The following EFCAB6 variants were observed in gnomAD, a reference collection of about 807,000 sequenced individuals.
The protein encoded by EFCAB6 is EF-hand calcium-binding domain-containing protein 6.
A neutral mutation model predicts 169.8 loss-of-function variants in EFCAB6; 156 were observed. That is an observed-to-expected ratio of 0.92 (90% confidence interval 0.81 to 1.05). The LOEUF (loss-of-function observed/expected upper bound fraction) is 1.05. Ranked by LOEUF, EFCAB6 falls within the 50% of genes least tolerant of loss-of-function variation. EFCAB6 has a pLI of 0.00. For synonymous variants in EFCAB6, 698 were observed against 676.4 expected (o/e 1.03, Z -0.50); for missense variants, 1,800 against 1,829.1 (o/e 0.98, Z 0.29).
At chr22:43,756,896 T>A (rs992097043) in intron 5 of EFCAB6, among the ~76,000 whole-genome samples, 3 of 152,268 alleles carry the variant, frequency 2.0e-5, no homozygotes, top group South Asian at 2.1e-4. Flanking sequence ...AGCCCTTGGC[T>A]GGCAGGAGCT....
At chr22:43,654,536 C>A (rs2056640417) in intron 17 of EFCAB6, among the ~76,000 whole-genome samples, 1 of 152,240 alleles carries the variant, frequency 6.6e-6, no homozygotes, top group African/African-American at 2.4e-5. Flanking sequence ...AAACACATTA[C>A]CCAGTCTAAT....
rs144055049 is a variant in EFCAB6 at position 43,791,672 on chromosome 22, G to A, written c.-7-9347C>T. Among the ~76,000 whole-genome samples, 491 of 152,270 alleles carry A rather than the reference G, an allele frequency of 3.2e-3. 2 individuals are homozygous for A. The highest frequency in any genetic ancestry group is 0.011 in the African/African-American group (476 of 41,554). On this transcript the variant is annotated intron_variant, in intron 2 of 31. Transcript: ENST00000262726. ...TTTGAGTGAGCCCTAAGGCACCACC[G>A]AGGACCCTGATAGTAACAATGTTGG...
intron 9 of EFCAB6, among the ~76,000 whole-genome samples, chr22:43,714,531 A>C (rs1396833511): frequency 1.5e-5 from 1 of 66,574 alleles, no homozygotes; most frequent in African/African-American, 5.3e-5. Flanking sequence ...TCAAGGATCA[A>C]GAAAAAAAAA....
chr22:43,561,043 T>C (rs924571894), intron 26 of EFCAB6, among the ~76,000 whole-genome samples: 1 of 151,998 alleles, frequency 6.6e-6, no homozygotes, highest in African/African-American at 2.4e-5. Context: ...AAAGGAAGTA[T>C]TGCGTGTTCA....
intron 17 of EFCAB6, among the ~76,000 whole-genome samples, chr22:43,635,436 A>G (rs1402409890): frequency 6.6e-6 from 1 of 152,146 alleles, no homozygotes; most frequent in Non-Finnish European, 1.5e-5. Flanking sequence ...CGAAGGGACA[A>G]GTGGCACAGT....
At chr22:43,571,072 G>C (rs376937984) in intron 26 of EFCAB6, among the ~76,000 whole-genome samples, 4 of 152,336 alleles carry the variant, frequency 2.6e-5, no homozygotes, top group Admixed American at 2.6e-4. Flanking sequence ...GGAAGCCCGC[G>C]GCCCTTGCTG....
chr22:43,752,659 A>G lies in EFCAB6; in HGVS notation c.507+3107T>C, dbSNP rs990629548. Reference sequence around the variant, plus strand: ...CTCTTGTTTTTAGAGTCATATTGGGAAAAAAGGGCCCACTGAAAAAAATTT... The same window carrying G: ...CTCTTGTTTTTAGAGTCATATTGGGGAAAAAGGGCCCACTGAAAAAAATTT... On this transcript the variant is annotated intron_variant, in intron 6 of 31. Coordinates refer to ENST00000262726, the MANE Select transcript of EFCAB6 (RefSeq NM_022785.4). Among the ~76,000 whole-genome samples the G allele has an allele frequency of 1.2e-4, 19 of 152,184 alleles. 2 individuals carry two copies. In the South Asian group the frequency reaches 3.9e-3, roughly 32 times the overall value.
At chr22:43,625,919 GA>G (rs1462282496) in intron 20 of EFCAB6, among the ~76,000 whole-genome samples, 4 of 152,366 alleles carry the variant, frequency 2.6e-5, no homozygotes, top group African/African-American at 9.6e-5. Flanking sequence ...CCCTGCAGAG[GA>G]CGGGCCCAGC....
At chr22:43,787,118 T>C (rs1269421545) in intron 2 of EFCAB6, among the ~76,000 whole-genome samples, 1 of 152,134 alleles carries the variant, frequency 6.6e-6, no homozygotes, top group Non-Finnish European at 1.5e-5. Context: ...TATTTAATGG[T>C]GAATGACCAA....
At chr22:43,707,528 C>A (rs1474095973) in intron 10 of EFCAB6, among the ~76,000 whole-genome samples, 1 of 152,074 alleles carries the variant, frequency 6.6e-6, no homozygotes, top group African/African-American at 2.4e-5. Context: ...AAAAAGAAAT[C>A]ACCTATAAAG....
chr22:43,580,111 G>A (rs1355783826), intron 25 of EFCAB6, among the ~76,000 whole-genome samples: 2 of 152,140 alleles, frequency 1.3e-5, no homozygotes, highest in African/African-American at 4.8e-5. Context: ...CCTCTTCAAG[G>A]CCACCTTGAG....
chr22:43,659,515 C>A (rs1382685476), intron 17 of EFCAB6, among the ~76,000 whole-genome samples: 3 of 151,918 alleles, frequency 2.0e-5, no homozygotes, highest in East Asian at 3.9e-4. Flanking sequence ...TAAAAATTAT[C>A]CGGGTGTGGT....
chr22:43,661,297 C>T (rs1302326558), intron 17 of EFCAB6, among the ~76,000 whole-genome samples: 2 of 152,096 alleles, frequency 1.3e-5, no homozygotes, highest in East Asian at 3.9e-4. Flanking sequence ...AGGATCACTT[C>T]AGCCCAGGAG....
At chr22:43,674,395 C>T (rs959600963) in intron 13 of EFCAB6, among the ~76,000 whole-genome samples, 1 of 152,196 alleles carries the variant, frequency 6.6e-6, no homozygotes, top group Non-Finnish European at 1.5e-5. Flanking sequence ...CATCAGGCCA[C>T]AAATGTGACT....
chr22:43,581,084 G>T (rs546843021), intron 24 of EFCAB6, among the ~76,000 whole-genome samples: 2 of 152,146 alleles, frequency 1.3e-5, no homozygotes, highest in African/African-American at 4.8e-5. Flanking sequence ...ATCTGACAGC[G>T]GCTCAAAGAC....
Position 43,608,617 on chromosome 22 carries a change from C to T in EFCAB6, c.2563-17G>A, listed in dbSNP as rs372567099. 45 of 1,608,508 alleles carry T rather than the reference C, an allele frequency of 2.8e-5. No homozygotes were observed. Among genetic ancestry groups the T allele is most frequent in the South Asian group, 1.6e-4 (15 of 90,914 alleles). ...TAGAAAATTCTACAACATCAGAATA[C>T]GGTATTTAGGAACATGTGAAATGTG... On this transcript the variant is annotated splice_polypyrimidine_tract_variant and intron_variant, in intron 21 of 31. Coordinates refer to ENST00000262726, the MANE Select transcript of EFCAB6 (RefSeq NM_022785.4).
chr22:43,640,268 T>C (rs2055709191), intron 17 of EFCAB6, among the ~76,000 whole-genome samples: 1 of 152,220 alleles, frequency 6.6e-6, no homozygotes, highest in Non-Finnish European at 1.5e-5. Flanking sequence ...ACATGTTTTA[T>C]GTCTACATAT....
At chr22:43,764,724 A>G (rs2061271970) in intron 5 of EFCAB6, among the ~76,000 whole-genome samples, 2 of 152,300 alleles carry the variant, frequency 1.3e-5, no homozygotes, top group East Asian at 3.9e-4. Flanking sequence ...AAATATTTTT[A>G]TTACTAAAAC....
chr22:43,585,076 A>G (rs779180858), intron 24 of EFCAB6, among the ~76,000 whole-genome samples: 17 of 152,246 alleles, frequency 1.1e-4, no homozygotes, highest in Non-Finnish European at 2.5e-4. Context: ...CAATGCATAT[A>G]AACAGTCAAG....
Sources: gnomAD v4.1 joint callset for allele counts (sites outside exome capture counted in the v4.1 genomes callset) on GRCh38, gnomAD v4.1.1 for gene constraint, MANE v1.5 for transcripts, NCBI Gene and HGNC (gene_info 2026-07-23, HGNC 2026-07-21) for gene names.